Variants in SLC38A8 observed in about 807,000 individuals in gnomAD.
The protein encoded by SLC38A8 is amino acid transporter SLC38A8.
In SLC38A8, 65 loss-of-function variants were observed where a neutral mutation model predicts 46.0. The observed-to-expected ratio is 1.41, with a 90% CI of 1.16 to 1.74. SLC38A8 has a LOEUF of 1.74. Among genes scored for constraint, SLC38A8 ranks in the 40% most tolerant of loss-of-function variants. The pLI, the probability that SLC38A8 is intolerant of heterozygous loss-of-function variation, is 0.00. For missense variants in SLC38A8, 998 were observed against 567.9 expected (o/e 1.76, Z -7.70); for synonymous variants, 447 against 243.7 (o/e 1.83, Z -7.77).
intron 9 of SLC38A8, among the ~76,000 whole-genome samples, 196 bp downstream of exon 9, chr16:84,016,323 T>C (rs191009564): frequency 2.6e-5 from 4 of 152,252 alleles, no homozygotes; most frequent in African/African-American, 9.6e-5. Flanking sequence ...GCTAATGAGA[T>C]GTTTAATGAG....
intron 5 of SLC38A8, 81 bp from the exon 6 acceptor site, chr16:84,029,632 G>C (rs983451734): frequency 8.0e-6 from 11 of 1,368,440 alleles, no homozygotes; most frequent in African/African-American, 5.8e-5. Flanking sequence ...GAATTTTAAA[G>C]GATGCTGGGA....
chr16:84,017,396 G>A (rs1597253501), intron 7 of SLC38A8, 109 bp from the exon 8 acceptor site: 2 of 1,333,998 alleles, frequency 1.5e-6, no homozygotes, highest in South Asian at 1.4e-5. Context: ...TTTTCCTTAG[G>A]AGCTGAAAGA....
chr16:84,026,661 C>A (rs543886376), intron 6 of SLC38A8, among the ~76,000 whole-genome samples: 23 of 152,214 alleles, frequency 1.5e-4, no homozygotes, highest in Non-Finnish European at 2.6e-4. Flanking sequence ...GTGGACCCCA[C>A]CCAGATGCCC....
chr16:84,035,458 T>G (rs2085290283), intron 3 of SLC38A8, among the ~76,000 whole-genome samples: 1 of 152,160 alleles, frequency 6.6e-6, no homozygotes, highest in Non-Finnish European at 1.5e-5. Context: ...ACATGCCAAT[T>G]AAAAGTCTAA....
intron 2 of SLC38A8, among the ~76,000 whole-genome samples, chr16:84,037,212 A>T (rs1243006418): frequency 6.6e-6 from 1 of 151,960 alleles, no homozygotes; most frequent in African/African-American, 2.4e-5. Context: ...TGTTTAAGTT[A>T]CTCTCCTAAA....
chr16:84,014,023 C>A (rs1213928244), intron 9 of SLC38A8, among the ~76,000 whole-genome samples: 2 of 152,024 alleles, frequency 1.3e-5, no homozygotes, highest in Non-Finnish European at 2.9e-5. Context: ...AAAGCCCCGC[C>A]CAGAGCCTGA....
chr16:84,031,776 C>T, intron 5 of SLC38A8, 91 bp downstream of exon 5: 1 of 1,106,574 alleles, frequency 9.0e-7, no homozygotes, highest in South Asian at 1.3e-5. Context: ...TGCAGTGAGC[C>T]ACGAGAGGCT....
At chr16:84,030,619 A>G (rs1046808554) in intron 5 of SLC38A8, among the ~76,000 whole-genome samples, 2 of 152,082 alleles carry the variant, frequency 1.3e-5, no homozygotes, top group East Asian at 3.9e-4. Context: ...CTAATCCAGG[A>G]AACAGCATCT....
intron 4 of SLC38A8, among the ~76,000 whole-genome samples, chr16:84,032,710 G>A (rs909141073): frequency 6.6e-6 from 1 of 152,224 alleles, no homozygotes; most frequent in African/African-American, 2.4e-5. Context: ...GCTGCCTGCT[G>A]TTTCTATACA....
At position 84,013,082 on chromosome 16, in the gene SLC38A8, C is replaced by A; in HGVS notation, c.1163-30G>T. ...AAAAAAGACAGGGTCACCCACAGTT[C>A]TTCGTTATCAAACCCAAAGCAACAA... is the stretch of plus-strand genomic sequence containing the variant. On this transcript the variant is annotated intron_variant, in intron 9 of 10. Transcript: ENST00000299709. The A allele has an allele frequency of 1.9e-6, 3 of 1,613,506 alleles. 1 individual carries two copies. The highest frequency in any genetic ancestry group is 2.2e-5 in the South Asian group (2 of 91,028).
At chr16:84,036,996 C>T (rs1455030338) in intron 2 of SLC38A8, 96 bp from the exon 3 acceptor site, 24 of 1,276,524 alleles carry the variant, frequency 1.9e-5, no homozygotes, top group Non-Finnish European at 2.5e-5. Flanking sequence ...CATGGCTTCT[C>T]ATCCACAGAG....
At chr16:84,027,045 G>C (rs943650368) in intron 6 of SLC38A8, among the ~76,000 whole-genome samples, 1 of 152,088 alleles carries the variant, frequency 6.6e-6, no homozygotes, top group Non-Finnish European at 1.5e-5. Flanking sequence ...TCTCAATAAA[G>C]ATATTTTTTA....
chr16:84,018,386 C>T (rs970196768), intron 7 of SLC38A8, among the ~76,000 whole-genome samples: 2 of 151,980 alleles, frequency 1.3e-5, no homozygotes, highest in African/African-American at 2.4e-5. Flanking sequence ...ACGCCCGCCA[C>T]ATTTTTGAAT....
At chr16:84,016,398 C>T in intron 9 of SLC38A8, 121 bp downstream of exon 9, 1 of 1,171,534 alleles carries the variant, frequency 8.5e-7, no homozygotes. Context: ...TACATGGGGT[C>T]TTAATCCTAC....
At chr16:84,024,553 T>G (rs1005708122) in intron 6 of SLC38A8, among the ~76,000 whole-genome samples, 17 of 151,808 alleles carry the variant, frequency 1.1e-4, no homozygotes, top group African/African-American at 3.9e-4. Flanking sequence ...GGCCAAGGCG[T>G]GTGGATCACC....
intron 2 of SLC38A8, among the ~76,000 whole-genome samples, chr16:84,040,801 G>A (rs1359003538): frequency 3.3e-5 from 5 of 152,282 alleles, no homozygotes; most frequent in African/African-American, 1.2e-4. Flanking sequence ...CTCCCGGCAT[G>A]ATCCACCATC....
At chr16:84,022,658 C>G (rs1347693623) in intron 7 of SLC38A8, 117 bp downstream of exon 7, 5 of 763,816 alleles carry the variant, frequency 6.5e-6, no homozygotes, top group Non-Finnish European at 1.1e-5. Context: ...ATAAGATGCT[C>G]AAAACATTGA....
At chr16:84,024,228 G>T (rs954617537) in intron 6 of SLC38A8, among the ~76,000 whole-genome samples, 1 of 152,202 alleles carries the variant, frequency 6.6e-6, no homozygotes, top group Admixed American at 6.5e-5. Context: ...TTTGGGTAGG[G>T]TGGGTGCTAC....
At chr16:84,010,740 T>C (rs1288623352) in intron 10 of SLC38A8, among the ~76,000 whole-genome samples, 3 of 152,176 alleles carry the variant, frequency 2.0e-5, no homozygotes, top group Middle Eastern at 3.4e-3. Flanking sequence ...CAAGACTCCA[T>C]CTCAAAAAGA....
Sources: allele counts gnomAD v4.1 joint callset (sites outside exome capture counted in the v4.1 genomes callset), GRCh38; gene constraint gnomAD v4.1.1; transcripts MANE v1.5; gene names NCBI Gene and HGNC (gene_info 2026-07-23, HGNC 2026-07-21).